KIF13B: variants seen among roughly 807,000 people sequenced by gnomAD.
KIF13B encodes the protein kinesin family member 13B, also known as kinesin-like protein KIF13B.
A neutral mutation model predicts 222.0 loss-of-function variants in KIF13B; 127 were observed. The observed-to-expected ratio is 0.57, with a 90% CI of 0.50 to 0.66. The LOEUF is 0.66. KIF13B is among the 30% of genes least tolerant of loss of function. The pLI is 0.00. For missense variants in KIF13B, 2,173 were observed against 2,379.0 expected (o/e 0.91, Z 1.80); for synonymous variants, 976 against 919.0 (o/e 1.06, Z -1.12).
chr8:29,117,168 T>G (rs1429382502), intron 30 of KIF13B, among the ~76,000 whole-genome samples, 161 bp from the exon 31 acceptor site: 1 of 152,246 alleles, frequency 6.6e-6, no homozygotes, highest in African/African-American at 2.4e-5. Flanking sequence ...TGTGACAGTG[T>G]GGCCACAATC....
intron 25 of KIF13B, 75 bp downstream of exon 25, chr8:29,127,047 T>G: frequency 7.3e-7 from 1 of 1,364,444 alleles, no homozygotes; most frequent in Non-Finnish European, 1.0e-6. Flanking sequence ...TAAAAAGTAG[T>G]TTCGTACGGG....
intron 35 of KIF13B, among the ~76,000 whole-genome samples, chr8:29,104,319 C>T (rs1254880702): frequency 2.0e-5 from 3 of 152,130 alleles, no homozygotes; most frequent in Admixed American, 2.0e-4. Flanking sequence ...CTGTCCAAAA[C>T]CCGATGTCAC....
rs1197762829 is a variant in KIF13B at position 29,180,129 on chromosome 8, T to C, written c.695A>G (p.His232Arg). ...SHAVFKITLT[H>R]TLYDVKSGTS... is the part of the protein sequence containing the mutation. The stretch of plus-strand genomic sequence containing the variant: ...CCCAGACTTCACATCGTAGAGAGTA[T>C]GTGTGAGGGTGATTTTGAAAACTGC... Residue 232 changes from histidine (H) to arginine (R), a missense_variant, in exon 8 of 40, where the codon CAT (histidine) becomes CGT (arginine). His to Arg is a conservative substitution (Grantham distance 29, BLOSUM62 0). Coordinates refer to ENST00000524189, the MANE Select transcript of KIF13B (RefSeq NM_015254.4). 17 of 1,613,930 alleles carry C rather than the reference T, an allele frequency of 1.1e-5. No individual in the cohort carries two copies. The highest frequency in any genetic ancestry group is 1.4e-5 in the Non-Finnish European group (16 of 1,179,868).
chr8:29,197,537 CACAT>C (rs1813495667), intron 2 of KIF13B, among the ~76,000 whole-genome samples: 1 of 152,062 alleles, frequency 6.6e-6, no homozygotes, highest in Non-Finnish European at 1.5e-5. Context: ...AATAAATACA[CACAT>C]ACACATATAT....
At chr8:29,194,998 A>G (rs1412717021) in intron 3 of KIF13B, among the ~76,000 whole-genome samples, 1 of 152,210 alleles carries the variant, frequency 6.6e-6, no homozygotes, top group Non-Finnish European at 1.5e-5. Flanking sequence ...CTGTAATCCC[A>G]GCACTTTGGG....
intron 38 of KIF13B, among the ~76,000 whole-genome samples, chr8:29,074,748 T>C (rs1807473710): frequency 1.3e-5 from 2 of 152,270 alleles, no homozygotes. Context: ...TTCTAATGAT[T>C]GTGCCTCTGT....
rs1380189517 is a variant in KIF13B, at chr8:29,108,143, T to A, written c.4211A>T (p.Asn1404Ile). The A allele has an allele frequency of 6.2e-7, 1 of 1,610,546 alleles. No homozygotes were observed. Among genetic ancestry groups the A allele is most frequent in the Non-Finnish European group, 8.5e-7 (1 of 1,178,212 alleles). The change falls in exon 35 of 40, where the codon AAC becomes ATC. Residue 1404 changes from asparagine to isoleucine, a missense_variant. By Grantham distance (149) the Asn-to-Ile change is moderately radical. Transcript: ENST00000524189. ...AGAAATAGTTAAAACACCTACCTTG[T>A]TGCTGCCTAGACTGTATGATGGAAT... Reference protein sequence around the residue: ...DLIPSYSLGSNKGRWESQQDV... With the variant: ...DLIPSYSLGSIKGRWESQQDV...
Position 29,108,205 on chromosome 8 carries a change from G to A in KIF13B, c.4162-13C>T, listed in dbSNP as rs752406226. The A allele has an allele frequency of 6.2e-7, 1 of 1,610,276 alleles. No homozygotes were observed. The highest frequency in any genetic ancestry group is 1.7e-5 in the Admixed American group (1 of 59,536). Reference sequence around the variant, plus strand: ...GGCTTCCAGACAACTGAAGAAGAAAGAAAGGGGGGTTAGTTATTTATGCAT... The same window carrying A: ...GGCTTCCAGACAACTGAAGAAGAAAAAAAGGGGGGTTAGTTATTTATGCAT... On this transcript the variant is annotated splice_polypyrimidine_tract_variant and intron_variant, in intron 34 of 39. Coordinates refer to ENST00000524189, the MANE Select transcript of KIF13B (RefSeq NM_015254.4).
chr8:29,098,901 T>C lies in KIF13B; in HGVS notation c.4324+232A>G, dbSNP rs77817263. 3.2e-3 allele frequency among the ~76,000 whole-genome samples: 489 copies of C among 152,068 alleles called. 3 individuals carry two copies. Among genetic ancestry groups the C allele is most frequent in the African/African-American group, 0.011 (466 of 41,450 alleles). On this transcript the variant is annotated intron_variant, in intron 36 of 39. Transcript: ENST00000524189. ...TCCTTAAAAAAGAGGTGCAAAGAGA[T>C]TCCAGCAATGTACGGCTAACACATC...
chr8:29,191,995 T>G (rs1418993141), intron 3 of KIF13B, among the ~76,000 whole-genome samples: 1 of 152,250 alleles, frequency 6.6e-6, no homozygotes, highest in Non-Finnish European at 1.5e-5. Context: ...CATGTTAGTT[T>G]GCAGGTACAT....
intron 1 of KIF13B, among the ~76,000 whole-genome samples, chr8:29,248,173 A>G (rs1368722892): frequency 6.6e-6 from 1 of 152,146 alleles, no homozygotes; most frequent in Non-Finnish European, 1.5e-5. Context: ...TTACCATCTG[A>G]CCCAGCAATT....
At chr8:29,098,170 CAA>C (rs147089450) in intron 36 of KIF13B, among the ~76,000 whole-genome samples, 1,723 of 30,230 alleles carry the variant, frequency 0.057, 41 homozygotes, top group Middle Eastern at 0.083. Flanking sequence ...GACTCCATCT[CAA>C]AAAAAAAAAA....
chr8:29,156,072 G>C (rs531702212), intron 13 of KIF13B, among the ~76,000 whole-genome samples: 1 of 152,180 alleles, frequency 6.6e-6, no homozygotes, highest in Admixed American at 6.5e-5. Context: ...AGGTTCAAGC[G>C]ATTCTCCTGC....
chr8:29,078,354 G>A (rs917791793), intron 37 of KIF13B, among the ~76,000 whole-genome samples: 1 of 151,752 alleles, frequency 6.6e-6, no homozygotes, highest in Admixed American at 6.6e-5. Context: ...AAATAGAACG[G>A]GTGTGAACGC....
At chr8:29,160,915 T>G (rs1469893844) in intron 12 of KIF13B, 48 bp from the exon 13 acceptor site, 1 of 1,544,684 alleles carries the variant, frequency 6.5e-7, no homozygotes, top group Middle Eastern at 1.7e-4. Flanking sequence ...ATTGAGGCAG[T>G]GAGATATCCA....
intron 3 of KIF13B, among the ~76,000 whole-genome samples, chr8:29,191,346 C>T (rs1813176546): frequency 6.7e-6 from 1 of 149,272 alleles, no homozygotes; most frequent in South Asian, 2.1e-4. Flanking sequence ...TTTTTTGCAG[C>T]GAAATTAGTG....
intron 37 of KIF13B, among the ~76,000 whole-genome samples, chr8:29,089,748 G>C (rs1465517535): frequency 2.0e-5 from 3 of 151,948 alleles, no homozygotes; most frequent in Admixed American, 2.0e-4. Flanking sequence ...ACAAAAATCA[G>C]CCAAGCGTGG....
At chr8:29,144,660 G>A (rs1055297862) in intron 18 of KIF13B, among the ~76,000 whole-genome samples, 2 of 152,132 alleles carry the variant, frequency 1.3e-5, no homozygotes, top group African/African-American at 4.8e-5. Context: ...GGCTTTCCTG[G>A]GGGAGAATGC....
At chr8:29,115,133 T>A (rs888222470) in intron 31 of KIF13B, among the ~76,000 whole-genome samples, 10 of 152,242 alleles carry the variant, frequency 6.6e-5, no homozygotes, top group African/African-American at 2.4e-4. Flanking sequence ...TAAAGATTAA[T>A]TTTTAGGGGT....
Sources: gnomAD v4.1 joint callset for allele counts (sites outside exome capture counted in the v4.1 genomes callset) on GRCh38, gnomAD v4.1.1 for gene constraint, MANE v1.5 for transcripts, NCBI Gene and HGNC (gene_info 2026-07-23, HGNC 2026-07-21) for gene names.